The following SCAF4 variants were observed in gnomAD, a reference collection of about 807,000 sequenced individuals.
The protein encoded by SCAF4 is SR-related and CTD-associated factor 4.
A neutral mutation model predicts 129.8 loss-of-function variants in SCAF4; 25 were observed. That is an observed-to-expected ratio of 0.19 (90% CI 0.14 to 0.27). The LOEUF is 0.27. SCAF4 is among the 10% of genes least tolerant of loss of function. SCAF4 has a pLI of 1.00. For synonymous variants in SCAF4, 551 were observed against 497.7 expected (o/e 1.11, Z -1.43); for missense variants, 1,246 against 1,457.1 (o/e 0.86, Z 2.36).
chr21:31,709,634 A>C (rs2050752330), intron 1 of SCAF4, among the ~76,000 whole-genome samples: 1 of 152,166 alleles, frequency 6.6e-6, no homozygotes, highest in African/African-American at 2.4e-5. Context: ...CAGTATAACC[A>C]TCATTCAGAC....
At chr21:31,673,799 GATC>G (rs2049778083) in intron 19 of SCAF4, among the ~76,000 whole-genome samples, 1 of 152,212 alleles carries the variant, frequency 6.6e-6, no homozygotes, top group Non-Finnish European at 1.5e-5. Flanking sequence ...TTAATAGAGG[GATC>G]ATTATATAGA....
intron 1 of SCAF4, chr21:31,713,033 T>C (rs555398931): frequency 5.2e-6 from 1 of 191,550 alleles, no homozygotes; most frequent in African/African-American, 2.4e-5. Flanking sequence ...CTGTTTTATT[T>C]TCCATTTATG....
chr21:31,724,368 T>C (rs1248402441), intron 1 of SCAF4, among the ~76,000 whole-genome samples: 2 of 152,198 alleles, frequency 1.3e-5, no homozygotes, highest in African/African-American at 2.4e-5. Context: ...CTAATTAATA[T>C]ACCAATGTTA....
intron 1 of SCAF4, among the ~76,000 whole-genome samples, chr21:31,716,937 C>A (rs1239814527): frequency 7.2e-5 from 11 of 152,054 alleles, no homozygotes; most frequent in Admixed American, 7.2e-4. Flanking sequence ...GTAAGAGGTA[C>A]AATGAAACTG....
chr21:31,709,104 CTGTT>C (rs979162607), intron 1 of SCAF4, among the ~76,000 whole-genome samples: 2 of 152,190 alleles, frequency 1.3e-5, no homozygotes, highest in African/African-American at 4.8e-5. Flanking sequence ...CTTCACCTGT[CTGTT>C]CTTTTCCTGA....
intron 1 of SCAF4, among the ~76,000 whole-genome samples, chr21:31,710,247 C>T (rs894423862): frequency 6.6e-6 from 1 of 151,934 alleles, no homozygotes; most frequent in African/African-American, 2.4e-5. Flanking sequence ...AGTAAGAAGG[C>T]CACCAAGAAC....
At chr21:31,677,124 T>C (rs1239639595) in intron 19 of SCAF4, among the ~76,000 whole-genome samples, 2 of 152,164 alleles carry the variant, frequency 1.3e-5, no homozygotes, top group Non-Finnish European at 2.9e-5. Flanking sequence ...AAAAAGACTT[T>C]TTCATCCACC....
At chr21:31,673,605 T>G (rs2049771799) in intron 19 of SCAF4, among the ~76,000 whole-genome samples, 1 of 152,220 alleles carries the variant, frequency 6.6e-6, no homozygotes, top group Non-Finnish European at 1.5e-5. Flanking sequence ...CCAGCTACAC[T>G]GTATCTCAGA....
At chr21:31,688,640 C>T (rs2050186894) in intron 15 of SCAF4, among the ~76,000 whole-genome samples, 176 bp from the exon 16 acceptor site, 2 of 152,150 alleles carry the variant, frequency 1.3e-5, no homozygotes, top group East Asian at 1.9e-4. Context: ...TAAAAGAATG[C>T]ATACTGTGTG....
intron 14 of SCAF4, 29 bp from the exon 15 acceptor site, chr21:31,690,982 A>G: frequency 6.3e-7 from 1 of 1,582,292 alleles, no homozygotes; most frequent in Non-Finnish European, 8.6e-7. Context: ...AAATATAAAA[A>G]GAAAACAAAG....
intron 3 of SCAF4, 46 bp downstream of exon 3, chr21:31,705,377 C>A: frequency 1.1e-6 from 1 of 903,042 alleles, no homozygotes. Context: ...AAGTAAATTA[C>A]AAATCATATT....
chr21:31,709,810 TGTTAACTAA>T (rs2050756984), intron 1 of SCAF4, among the ~76,000 whole-genome samples: 3 of 150,796 alleles, frequency 2.0e-5, no homozygotes, highest in African/African-American at 7.3e-5. Flanking sequence ...TACTTAATCA[TGTTAACTAA>T]GGCAGATCTG....
chr21:31,688,084 C>G (rs1200589105), intron 16 of SCAF4, among the ~76,000 whole-genome samples: 1 of 103,558 alleles, frequency 9.7e-6, no homozygotes, highest in Admixed American at 1.6e-4. Context: ...CACCACATTC[C>G]AGCTTGGGCA....
chr21:31,701,268 T>A, intron 6 of SCAF4, 97 bp from the exon 7 acceptor site: 1 of 1,079,856 alleles, frequency 9.3e-7, no homozygotes, highest in Non-Finnish European at 1.3e-6. Flanking sequence ...TGATTCAAAG[T>A]AGCATAGGCA....
chr21:31,696,323 T>C lies in SCAF4; in HGVS notation c.960-102A>G, dbSNP rs2050384587. 3.5e-6 allele frequency: 3 copies of C among 851,038 alleles called. No homozygotes were observed. In the South Asian group the frequency reaches 5.1e-5, roughly 15 times the overall value. 52.7% of individuals were successfully genotyped at this position (851,038 alleles called of 1,614,324 possible). The stretch of plus-strand genomic sequence containing the variant: ...TGTTGTTCATGAGTCATTAACATTT[T>C]ACTGAACCATATATTTACCTATATA... On this transcript the variant is annotated intron_variant, in intron 8 of 19. Coordinates refer to ENST00000286835, the MANE Select transcript of SCAF4 (RefSeq NM_020706.2).
At chr21:31,717,614 A>G (rs2050949257) in intron 1 of SCAF4, among the ~76,000 whole-genome samples, 1 of 152,074 alleles carries the variant, frequency 6.6e-6, no homozygotes. Flanking sequence ...TTGTCCACAG[A>G]GTAAATCTTG....
rs991757867 is a variant in SCAF4 at position 31,732,038 on chromosome 21, C to G, written c.-346G>C. On this transcript the variant is annotated 5_prime_UTR_variant, in exon 1 of 20. Coordinates refer to ENST00000286835, the MANE Select transcript of SCAF4 (RefSeq NM_020706.2). ...ACGCACTGGCTCACACTGGCCCGGC[C>G]GGCGAGCGGGCGGGCCTCTCTCTCC... 3 of 428,296 alleles carry G rather than the reference C, an allele frequency of 7.0e-6. No individual in the cohort carries two copies. Among genetic ancestry groups the G allele is most frequent in the East Asian group, 7.2e-5 (2 of 27,958 alleles). The allele number at this position is 428,296 out of a possible 1,614,324, so 26.5% of individuals were successfully genotyped here. A position where few individuals can be genotyped will look rare whatever the true frequency, so the allele number is the denominator to read the frequency against.
chr21:31,677,648 CCT>C (rs527252686), intron 19 of SCAF4, among the ~76,000 whole-genome samples: 47 of 152,286 alleles, frequency 3.1e-4, no homozygotes, highest in South Asian at 4.2e-4. Flanking sequence ...CCTCTCTCCC[CCT>C]CTTTCCTGCC....
chr21:31,724,554 T>C (rs11088186), intron 1 of SCAF4, among the ~76,000 whole-genome samples: 35,196 of 152,130 alleles, frequency 0.23, 5,701 homozygotes, highest in East Asian at 0.51. Flanking sequence ...TCATTACTGA[T>C]GTAACATTTT....
Sources: allele counts gnomAD v4.1 joint callset (sites outside exome capture counted in the v4.1 genomes callset), GRCh38; gene constraint gnomAD v4.1.1; transcripts MANE v1.5; gene names NCBI Gene and HGNC (gene_info 2026-07-23, HGNC 2026-07-21).